The following SKAP1 variants were observed in gnomAD, a reference collection of about 807,000 sequenced individuals.
SKAP1 encodes src kinase-associated phosphoprotein 1.
In SKAP1, 44 loss-of-function variants were observed where a neutral mutation model predicts 58.5. The observed-to-expected ratio is 0.75, with a 90% CI of 0.59 to 0.97. The LOEUF is 0.97. Ranked by LOEUF, SKAP1 falls within the 50% of genes least tolerant of loss-of-function variation. The pLI, the probability that SKAP1 is intolerant of heterozygous loss-of-function variation, is 0.00. For missense variants in SKAP1, 390 were observed against 435.2 expected, an observed-to-expected ratio of 0.90 and a Z score of 0.92; for synonymous variants, 127 against 149.7, an observed-to-expected ratio of 0.85 and a Z score of 1.11.
chr17:48,378,749 A>G (rs1482184775), intron 2 of SKAP1, among the ~76,000 whole-genome samples: 1 of 152,138 alleles, frequency 6.6e-6, no homozygotes, highest in Non-Finnish European at 1.5e-5. Context: ...ATACTGTATT[A>G]GCATCTTCTT....
At chr17:48,413,543 T>TATATATATATATATATATATATA (rs1567905650) in intron 1 of SKAP1, among the ~76,000 whole-genome samples, 7 of 117,694 alleles carry the variant, frequency 5.9e-5, no homozygotes, top group African/African-American at 1.1e-4. Context: ...TATATATATA[T>TATATATATATATATATATATATA]TTGCTCTTCA....
chr17:48,179,945 G>C, intron 9 of SKAP1, 109 bp downstream of exon 9: 5 of 993,324 alleles, frequency 5.0e-6, no homozygotes, highest in Non-Finnish European at 7.4e-6. Flanking sequence ...TCCTTCAGAG[G>C]ATGAGGGTTA....
chr17:48,166,346 G>T (rs1308552430), intron 10 of SKAP1, among the ~76,000 whole-genome samples: 1 of 152,174 alleles, frequency 6.6e-6, no homozygotes, highest in Non-Finnish European at 1.5e-5. Flanking sequence ...TGCATGCCAG[G>T]TTCTTTACAA....
chr17:48,426,293 C>A (rs1051669388), intron 1 of SKAP1, among the ~76,000 whole-genome samples: 2 of 152,182 alleles, frequency 1.3e-5, no homozygotes, highest in African/African-American at 4.8e-5. Context: ...CTACATGCAG[C>A]CAGGTTGTTA....
At chr17:48,288,050 C>T (rs2065854460) in intron 4 of SKAP1, among the ~76,000 whole-genome samples, 2 of 152,068 alleles carry the variant, frequency 1.3e-5, no homozygotes, top group African/African-American at 4.8e-5. Flanking sequence ...CTTGGTATAT[C>T]TTTAATTTAA....
chr17:48,159,149 T>C (rs2064034036), intron 11 of SKAP1, among the ~76,000 whole-genome samples: 1 of 152,178 alleles, frequency 6.6e-6, no homozygotes, highest in Admixed American at 6.5e-5. Flanking sequence ...GATGTATTTA[T>C]GAGAACTGAA....
intron 4 of SKAP1, among the ~76,000 whole-genome samples, chr17:48,204,761 A>G (rs1298828004): frequency 6.6e-6 from 1 of 152,124 alleles, no homozygotes; most frequent in South Asian, 2.1e-4. Context: ...CTGGACTTCT[A>G]TGGGTCAAAC....
intron 11 of SKAP1, among the ~76,000 whole-genome samples, chr17:48,155,814 G>A (rs868005622): frequency 2.0e-5 from 3 of 152,192 alleles, no homozygotes; most frequent in Non-Finnish European, 4.4e-5. Flanking sequence ...CCGAGACCGC[G>A]CCGCTGCATT....
chr17:48,180,036 G>A lies in SKAP1; in HGVS notation c.826+18C>T. Reference sequence around the variant, plus strand: ...TTCTGAAACTAGCATAAGATAATCAGAGGACAAAATTTCTCACCTGGCAAG... The same window carrying A: ...TTCTGAAACTAGCATAAGATAATCAAAGGACAAAATTTCTCACCTGGCAAG... On this transcript the variant is annotated intron_variant, in intron 9 of 12. Transcript: ENST00000336915. 1 of 1,561,572 alleles carries A rather than the reference G, an allele frequency of 6.4e-7. No homozygotes were observed. The highest frequency in any genetic ancestry group is 1.2e-5 in the South Asian group (1 of 82,850).
At chr17:48,167,282 C>T (rs143453311) in intron 10 of SKAP1, among the ~76,000 whole-genome samples, 1 of 152,186 alleles carries the variant, frequency 6.6e-6, no homozygotes, top group East Asian at 1.9e-4. Context: ...TATTTCATAG[C>T]CCTTTAATCT....
Position 48,411,347 on chromosome 17 carries a change from C to T in SKAP1, c.47-14562G>A, listed in dbSNP as rs559652308. Among the ~76,000 whole-genome samples the T allele has an allele frequency of 1.3e-4, 19 of 151,774 alleles. No individual in the cohort carries two copies. The South Asian group carries it at 3.5e-3, about 28-fold the overall frequency. On this transcript the variant is annotated intron_variant, in intron 1 of 12. Transcript: ENST00000336915. ...CCCAGAGGCAGAGGTTGCAGTGAGC[C>T]GACATCACGCCACTGCACACCAGCC...
intron 4 of SKAP1, among the ~76,000 whole-genome samples, chr17:48,316,258 ACT>A (rs1302126735): frequency 4.6e-5 from 7 of 151,644 alleles, no homozygotes; most frequent in Non-Finnish European, 1.0e-4. Context: ...ATTTCCTAAC[ACT>A]CTGTCTCACT....
At chr17:48,158,732 G>A (rs888260529) in intron 11 of SKAP1, among the ~76,000 whole-genome samples, 33 of 151,712 alleles carry the variant, frequency 2.2e-4, no homozygotes, top group African/African-American at 7.7e-4. Context: ...AGGCCGAGGC[G>A]GGCGGATCAC....
At chr17:48,336,860 G>C (rs2066579165) in intron 4 of SKAP1, among the ~76,000 whole-genome samples, 1 of 152,158 alleles carries the variant, frequency 6.6e-6, no homozygotes. Flanking sequence ...CACTTGTAGA[G>C]AGAAGAGCTA....
At chr17:48,346,121 A>G in intron 3 of SKAP1, 115 bp from the exon 4 acceptor site, 1 of 538,874 alleles carries the variant, frequency 1.9e-6, no homozygotes, top group Non-Finnish European at 3.2e-6. Context: ...AAAAAAGTGT[A>G]TCTTTTACTG....
chr17:48,170,645 G>C lies in SKAP1; in HGVS notation c.841C>G (p.Leu281Val). The C allele has an allele frequency of 6.2e-7, 1 of 1,613,168 alleles. No individual in the cohort carries two copies. The highest frequency in any genetic ancestry group is 8.5e-7 in the Non-Finnish European group (1 of 1,179,702). Residue 281 changes from leucine (L) to valine (V), a missense_variant, in exon 10 of 13, where the codon CTA becomes GTA. Transcript: ENST00000336915. ...CGAGTGCCACTCTCATCCTCTTCTA[G>C]ATCATGCTCTTCATCTGGGGGGATA... ...YEVLPDEEHD[L>V]EEDESGTRRK...
intron 2 of SKAP1, among the ~76,000 whole-genome samples, chr17:48,373,808 T>C (rs1033356267): frequency 6.6e-6 from 1 of 152,010 alleles, no homozygotes; most frequent in African/African-American, 2.4e-5. Context: ...GTGAATAGAG[T>C]TGTAATGGCA....
At chr17:48,430,599 C>G (rs565184441), upstream of SKAP1, among the ~76,000 whole-genome samples, 1 of 152,216 alleles carries the variant, frequency 6.6e-6, no homozygotes, top group African/African-American at 2.4e-5. Flanking sequence ...AGCATAGCAC[C>G]CCTCAATTGC....
chr17:48,184,944 G>T (rs2143487831), intron 6 of SKAP1, 97 bp from the exon 7 acceptor site: 1 of 1,230,028 alleles, frequency 8.1e-7, no homozygotes. Context: ...AGAAACAGCT[G>T]TTACATCCCT....
Sources: gnomAD v4.1 joint callset for allele counts (sites outside exome capture counted in the v4.1 genomes callset) on GRCh38, gnomAD v4.1.1 for gene constraint, MANE v1.5 for transcripts, NCBI Gene and HGNC (gene_info 2026-07-23, HGNC 2026-07-21) for gene names.